CLDN14: variants seen among roughly 807,000 people sequenced by gnomAD.
The protein encoded by CLDN14 is claudin-14.
In CLDN14, 2 loss-of-function variants were observed where a neutral mutation model predicts 2.1. The ratio of observed to expected loss-of-function variants is 0.96; its 90% CI spans 0.39 to 3.01. CLDN14 has a LOEUF of 3.01. Ranked by LOEUF, CLDN14 falls within the 30% of genes most tolerant of loss-of-function variation. CLDN14 has a pLI of 0.09. For synonymous variants in CLDN14, 136 were observed against 154.4 expected (o/e 0.88, Z 0.88); for missense variants, 298 against 328.0 (o/e 0.91, Z 0.71).
chr21:36,501,660 C>A (rs761558030), intron 2 of CLDN14, among the ~76,000 whole-genome samples: 8 of 152,158 alleles, frequency 5.3e-5, no homozygotes, highest in Non-Finnish European at 1.0e-4. Context: ...ACGCCACCCC[C>A]TGTCTCCAAA....
At chr21:36,466,998 C>T (rs956877603) in intron 1 of CLDN14, among the ~76,000 whole-genome samples, 1 of 152,122 alleles carries the variant, frequency 6.6e-6, no homozygotes, top group African/African-American at 2.4e-5. Flanking sequence ...CGACTTCATC[C>T]CCAGCAGAGA....
At chr21:36,567,778 T>C (rs2146527766) in intron 1 of CLDN14, among the ~76,000 whole-genome samples, 1 of 152,282 alleles carries the variant, frequency 6.6e-6, no homozygotes, top group South Asian at 2.1e-4. Flanking sequence ...ACCCTGGCCA[T>C]TTAGTTTATG....
rs149764839 is a variant in CLDN14, at chr21:36,566,630, G to A, written c.-220+9781C>T. On this transcript the variant is annotated intron_variant, in intron 1 of 2. Coordinates refer to the CLDN14 transcript ENST00000342108. ...GATGCTTCTTGCAGCTGCTCCCTCGGAATGATTTAGATGGCCTTGGCTTGA... is the reference window on the plus strand; with the variant it reads ...GATGCTTCTTGCAGCTGCTCCCTCGAAATGATTTAGATGGCCTTGGCTTGA... Among the ~76,000 whole-genome samples the A allele has an allele frequency of 8.2e-3, 1,248 of 152,278 alleles. 22 individuals are homozygous for A. The highest frequency in any genetic ancestry group is 0.028 in the African/African-American group (1,175 of 41,572).
chr21:36,461,258 G>A lies in CLDN14; in HGVS notation c.438C>T (p.Asn146=). 1.2e-6 allele frequency: 2 copies of A among 1,613,992 alleles called. No homozygotes were observed. Among genetic ancestry groups the A allele is most frequent in the Non-Finnish European group, 1.7e-6 (2 of 1,180,038 alleles). The part of the protein sequence containing the change: ...VSWTTNDVVQ[N]FYNPLLPSGM... ...CGCTGGGCAGCAGCGGGTTGTAGAA[G>A]TTCTGCACCACGTCGTTGGTGGTCC... Residue 146 remains asparagine, a synonymous_variant, in exon 2 of 2, where the codon AAC becomes AAT. Transcript: ENST00000399135.
intron 1 of CLDN14, among the ~76,000 whole-genome samples, chr21:36,514,618 AGAAAGTGTGTGTGTGTGT>A (rs2087211776): frequency 5.2e-5 from 7 of 135,192 alleles, no homozygotes; most frequent in South Asian, 4.7e-4. Flanking sequence ...TTATCGTGAG[AGAAAGTGTGTGTGTGTGT>A]GTGTGTGTGT....
intron 2 of CLDN14, among the ~76,000 whole-genome samples, chr21:36,502,725 T>C (rs1368407016): frequency 6.6e-6 from 1 of 152,278 alleles, no homozygotes; most frequent in Admixed American, 6.5e-5. Context: ...TATCCACTAA[T>C]GCTTTAATAG....
At chr21:36,557,809 A>G (rs1441587315) in intron 1 of CLDN14, among the ~76,000 whole-genome samples, 1 of 152,096 alleles carries the variant, frequency 6.6e-6, no homozygotes, top group African/African-American at 2.4e-5. Context: ...CCATTTGCCT[A>G]TTTTTGCTTT....
chr21:36,555,796 T>C (rs1052231817), intron 1 of CLDN14, among the ~76,000 whole-genome samples: 1 of 144,056 alleles, frequency 6.9e-6, no homozygotes, highest in Admixed American at 7.1e-5. Flanking sequence ...CTCCCGATTT[T>C]CTATAGGTCA....
At chr21:36,546,720 C>T (rs2087528254) in intron 1 of CLDN14, among the ~76,000 whole-genome samples, 1 of 152,136 alleles carries the variant, frequency 6.6e-6, no homozygotes, top group South Asian at 2.1e-4. Context: ...CACCAAACTT[C>T]AATAATTTTC....
At chr21:36,521,455 A>G (rs1423082538) in intron 1 of CLDN14, among the ~76,000 whole-genome samples, 1 of 152,232 alleles carries the variant, frequency 6.6e-6, no homozygotes, top group African/African-American at 2.4e-5. Context: ...GTTAAGAAAT[A>G]TAGCTTCAGA....
intron 1 of CLDN14, among the ~76,000 whole-genome samples, chr21:36,560,479 C>G (rs977552173): frequency 2.6e-5 from 4 of 152,110 alleles, no homozygotes; most frequent in African/African-American, 7.2e-5. Flanking sequence ...ATCGGAGGTG[C>G]AAATATCTGA....
chr21:36,481,514 G>A (rs2850111), upstream of CLDN14, among the ~76,000 whole-genome samples: 46,987 of 152,064 alleles, frequency 0.31, 8,367 homozygotes, highest in African/African-American at 0.5. Context: ...CTTGGCATTC[G>A]TTGTGTATTA....
chr21:36,574,547 T>TG (rs1276429905), intron 1 of CLDN14, among the ~76,000 whole-genome samples: 1 of 152,168 alleles, frequency 6.6e-6, no homozygotes, highest in Non-Finnish European at 1.5e-5. Context: ...CAGAAAGTGA[T>TG]GGGGGAGAGG....
upstream of CLDN14, among the ~76,000 whole-genome samples, chr21:36,482,439 T>TGGATGGATAGAC (rs2086858249): frequency 6.6e-6 from 1 of 150,846 alleles, no homozygotes; most frequent in African/African-American, 2.5e-5. Context: ...GATGGATGGA[T>TGGATGGATAGAC]GGATGGATGG....
intron 2 of CLDN14, among the ~76,000 whole-genome samples, chr21:36,489,654 C>A (rs769395116): frequency 1.2e-4 from 19 of 152,224 alleles, no homozygotes; most frequent in Non-Finnish European, 1.6e-4. Flanking sequence ...TCCTGGATGC[C>A]ACCTAGTTGC....
chr21:36,484,085 T>G (rs929778706), upstream of CLDN14, among the ~76,000 whole-genome samples: 4 of 152,174 alleles, frequency 2.6e-5, no homozygotes, highest in African/African-American at 9.6e-5. Context: ...GAACCTAGAC[T>G]GTCCATGCTC....
At chr21:36,472,138 A>G (rs928274193) in intron 1 of CLDN14, among the ~76,000 whole-genome samples, 1 of 152,226 alleles carries the variant, frequency 6.6e-6, no homozygotes, top group Non-Finnish European at 1.5e-5. Context: ...GAAAGGTTAC[A>G]TAACTTGTCC....
intron 1 of CLDN14, among the ~76,000 whole-genome samples, chr21:36,514,147 C>A (rs867244987): frequency 1.3e-5 from 2 of 152,204 alleles, no homozygotes; most frequent in South Asian, 4.1e-4. Flanking sequence ...TGAGCCACTG[C>A]ACCCAGTCTA....
chr21:36,557,982 A>G (rs1673720190), intron 1 of CLDN14, among the ~76,000 whole-genome samples: 1 of 152,128 alleles, frequency 6.6e-6, no homozygotes, highest in Admixed American at 6.5e-5. Flanking sequence ...GTCCAATTTC[A>G]TTCTTTTGCT....
Sources: allele counts gnomAD v4.1 joint callset (sites outside exome capture counted in the v4.1 genomes callset), GRCh38; gene constraint gnomAD v4.1.1; transcripts MANE v1.5; gene names NCBI Gene and HGNC (gene_info 2026-07-23, HGNC 2026-07-21).